The following CASQ2 variants were observed in gnomAD, a reference collection of about 807,000 sequenced individuals.
CASQ2 encodes the protein calsequestrin-2.
CASQ2 carries 49 observed loss-of-function variants against 46.5 expected under a neutral mutation model. The observed-to-expected ratio is 1.05, with a 90% CI of 0.84 to 1.34. CASQ2 has a LOEUF of 1.34. CASQ2 is among the 40% of genes most tolerant of loss of function. CASQ2 has a pLI of 0.00. For synonymous variants in CASQ2, 174 were observed against 168.5 expected (o/e 1.03, Z -0.25); for missense variants, 486 against 481.3 (o/e 1.01, Z -0.09).
At chr1:115,744,029 A>G (rs1213577276) in intron 2 of CASQ2, among the ~76,000 whole-genome samples, 1 of 151,908 alleles carries the variant, frequency 6.6e-6, no homozygotes, top group African/African-American at 2.4e-5. Context: ...CTGTAATCTC[A>G]GCTACTCAAG....
intron 8 of CASQ2, among the ~76,000 whole-genome samples, chr1:115,709,560 G>A (rs1654476999): frequency 6.6e-6 from 1 of 152,152 alleles, no homozygotes; most frequent in Non-Finnish European, 1.5e-5. Flanking sequence ...GCAAGTAGAG[G>A]ACTATTCTCT....
At position 115,750,653 on chromosome 1, in the gene CASQ2, C is replaced by T. The variant is rs193205532; in HGVS notation, c.235-5741G>A. Among the ~76,000 whole-genome samples the T allele has an allele frequency of 5.5e-4, 83 of 152,162 alleles. 1 individual carries two copies. The East Asian group carries it at 0.013, about 24-fold the overall frequency. On this transcript the variant is annotated intron_variant, in intron 1 of 10. Coordinates refer to ENST00000261448, the MANE Select transcript of CASQ2 (RefSeq NM_001232.4). Reference sequence around the variant, plus strand: ...TCCCCTGAGTAGCTGGGACTACAGGCCTGCACCAACACACTTGGCTAATTG... The same window carrying T: ...TCCCCTGAGTAGCTGGGACTACAGGTCTGCACCAACACACTTGGCTAATTG...
At chr1:115,731,484 C>T (rs564478227) in intron 5 of CASQ2, among the ~76,000 whole-genome samples, 15 of 152,324 alleles carry the variant, frequency 9.8e-5, no homozygotes, top group East Asian at 9.6e-4. Context: ...TCCTCCCTTT[C>T]TCTACTAATA....
At chr1:115,715,918 T>C (rs1337113869) in intron 8 of CASQ2, among the ~76,000 whole-genome samples, 3 of 152,200 alleles carry the variant, frequency 2.0e-5, no homozygotes, top group Non-Finnish European at 4.4e-5. Flanking sequence ...GAATCAGCTA[T>C]ATATTGATGA....
At chr1:115,763,477 AG>A (rs1040356688) in intron 1 of CASQ2, among the ~76,000 whole-genome samples, 1 of 152,224 alleles carries the variant, frequency 6.6e-6, no homozygotes, top group African/African-American at 2.4e-5. Context: ...GCTGTGAATA[AG>A]CAAGATGGCT....
chr1:115,720,598 A>G (rs1341635712), intron 7 of CASQ2, among the ~76,000 whole-genome samples: 2 of 152,188 alleles, frequency 1.3e-5, no homozygotes, highest in Non-Finnish European at 1.5e-5. Flanking sequence ...AATGGCTCTT[A>G]AGTTGAAAGA....
intron 7 of CASQ2, among the ~76,000 whole-genome samples, chr1:115,724,952 C>G (rs777576685): frequency 1.3e-5 from 2 of 152,194 alleles, no homozygotes; most frequent in Non-Finnish European, 2.9e-5. Flanking sequence ...GCTATAGTCA[C>G]TGCAGGAAAT....
intron 3 of CASQ2, among the ~76,000 whole-genome samples, chr1:115,739,746 T>C (rs956437120): frequency 6.6e-6 from 1 of 152,252 alleles, no homozygotes; most frequent in Non-Finnish European, 1.5e-5. Context: ...ATGGAGGCAG[T>C]GTCTGGATTC....
intron 4 of CASQ2, among the ~76,000 whole-genome samples, chr1:115,734,343 T>C (rs1219918914): frequency 2.0e-5 from 3 of 152,326 alleles, no homozygotes; most frequent in East Asian, 3.9e-4. Context: ...CCCATGTCCC[T>C]GATGAATTTC....
At chr1:115,710,092 C>T (rs372323071) in intron 8 of CASQ2, among the ~76,000 whole-genome samples, 3 of 152,208 alleles carry the variant, frequency 2.0e-5, no homozygotes, top group East Asian at 3.8e-4. Flanking sequence ...GATCCTCCCA[C>T]CTCAGCCTCC....
At chr1:115,725,368 G>A in intron 7 of CASQ2, 140 bp downstream of exon 7, 1 of 970,756 alleles carries the variant, frequency 1.0e-6, no homozygotes, top group Non-Finnish European at 1.7e-6. Context: ...TACCCAATCT[G>A]TCCATGTTTC....
intron 1 of CASQ2, 135 bp from the exon 2 acceptor site, chr1:115,745,047 C>A: frequency 1.4e-6 from 1 of 715,562 alleles, no homozygotes; most frequent in Non-Finnish European, 2.6e-6. Flanking sequence ...AGTTGAGCAG[C>A]AGCAAAGGAA....
At chr1:115,761,485 AAGGAGAAGAAGG>A (rs1362843953) in intron 1 of CASQ2, among the ~76,000 whole-genome samples, 1,501 of 21,292 alleles carry the variant, frequency 0.07, 147 homozygotes, top group Middle Eastern at 0.14. Flanking sequence ...GAAGAAGAAG[AAGGAGAAGAAGG>A]AGAAGAAGAA....
At chr1:115,758,220 G>A (rs1648826064) in intron 1 of CASQ2, among the ~76,000 whole-genome samples, 1 of 152,186 alleles carries the variant, frequency 6.6e-6, no homozygotes, top group Admixed American at 6.5e-5. Flanking sequence ...AGCTTTGTGA[G>A]TTTAGGCAAT....
intron 3 of CASQ2, among the ~76,000 whole-genome samples, chr1:115,739,056 CTT>C (rs563546083): frequency 0.45 from 50,679 of 111,574 alleles, 10,599 homozygotes; most frequent in Non-Finnish European, 0.56. Context: ...TGATAGTTTT[CTT>C]TTTTTAAAAA....
At chr1:115,742,857 C>T (rs1263310624) in intron 2 of CASQ2, among the ~76,000 whole-genome samples, 1 of 151,778 alleles carries the variant, frequency 6.6e-6, no homozygotes, top group Non-Finnish European at 1.5e-5. Flanking sequence ...GGTGCGATCT[C>T]GGCTCACTGC....
chr1:115,710,847 G>C (rs958307347), intron 8 of CASQ2, among the ~76,000 whole-genome samples: 11 of 152,218 alleles, frequency 7.2e-5, no homozygotes, highest in African/African-American at 2.7e-4. Flanking sequence ...TGAACCAGGA[G>C]GTTTCCCACG....
rs1647224746 is a variant in CASQ2, at chr1:115,717,965, ACT to A, written c.784-73_784-72del. ...GCAAAGGACTGAGCCAGGGACAGGG[ACT>A]CAGAAGCTGGAATGGGAATAGGAGA... On this transcript the variant is annotated intron_variant, in intron 7 of 10. Coordinates refer to ENST00000261448, the MANE Select transcript of CASQ2 (RefSeq NM_001232.4). 3.8e-6 allele frequency: 4 copies of A among 1,052,980 alleles called. No individual in the cohort carries two copies. In the Admixed American group the frequency reaches 5.1e-5, roughly 13 times the overall value. 65.2% of individuals were successfully genotyped at this position (1,052,980 alleles called of 1,614,324 possible).
intron 7 of CASQ2, among the ~76,000 whole-genome samples, chr1:115,719,732 T>C (rs1647302846): frequency 6.6e-6 from 1 of 152,146 alleles, no homozygotes; most frequent in African/African-American, 2.4e-5. Context: ...GGTTACTCAG[T>C]GAGAACCCAG....
Sources: allele counts gnomAD v4.1 joint callset (sites outside exome capture counted in the v4.1 genomes callset), GRCh38; gene constraint gnomAD v4.1.1; transcripts MANE v1.5; gene names NCBI Gene and HGNC (gene_info 2026-07-23, HGNC 2026-07-21).